DSE: variants seen among roughly 807,000 people sequenced by gnomAD.
DSE encodes the protein dermatan sulfate epimerase.
DSE carries 36 observed loss-of-function variants against 84.4 expected under a neutral mutation model. The observed-to-expected ratio is 0.43, with a 90% CI of 0.33 to 0.56. DSE has a LOEUF of 0.56. DSE is among the 20% of genes least tolerant of loss of function. The probability of loss-of-function intolerance (pLI) is 0.06; values close to 1 mark genes in which losing one functional copy is unlikely to be tolerated. For synonymous variants in DSE, 410 were observed against 430.1 expected (o/e 0.95, Z 0.58); for missense variants, 862 against 1,169.6 (o/e 0.74, Z 3.84).
chr6:116,264,142 C>G (rs1039141352), intron 2 of DSE, among the ~76,000 whole-genome samples: 17 of 152,144 alleles, frequency 1.1e-4, no homozygotes, highest in African/African-American at 4.1e-4. Context: ...TGGCCTCTCT[C>G]ACTAGGTTGT....
At chr6:116,303,492 T>C (rs574005281) in intron 2 of DSE, among the ~76,000 whole-genome samples, 2 of 152,136 alleles carry the variant, frequency 1.3e-5, no homozygotes, top group Non-Finnish European at 2.9e-5. Flanking sequence ...ATCTACAACA[T>C]CTGGCATGTT....
chr6:116,358,540 G>A (rs940944758), intron 2 of DSE, among the ~76,000 whole-genome samples: 16 of 152,170 alleles, frequency 1.1e-4, no homozygotes, highest in Non-Finnish European at 1.0e-4. Context: ...TCAACCAGGT[G>A]GACCTTTTCG....
chr6:116,315,186 A>G (rs1775896186), intron 2 of DSE, among the ~76,000 whole-genome samples: 2 of 152,188 alleles, frequency 1.3e-5, no homozygotes. Context: ...ACTGAACATT[A>G]TGTGCCAGGC....
chr6:116,351,587 C>A (rs932053859), intron 2 of DSE, among the ~76,000 whole-genome samples: 3 of 151,822 alleles, frequency 2.0e-5, no homozygotes, highest in Non-Finnish European at 4.4e-5. Context: ...ATTTTTACCT[C>A]ATTATAAAAT....
rs145520010 is a variant in DSE, at chr6:116,382,107, A to G, written c.-54+10986A>G. Among the ~76,000 whole-genome samples the G allele has an allele frequency of 5.1e-3, 775 of 151,158 alleles. 9 individuals are homozygous for G. The highest frequency in any genetic ancestry group is 0.018 in the African/African-American group (745 of 41,148). ...TCCACTCTTTATAAAGACACTGGTC[A>G]TATTGGAGTAGGGGTCTGCCCTATT... On this transcript the variant is annotated intron_variant, in intron 1 of 5. Transcript: ENST00000644252.
At chr6:116,392,252 A>G (rs1424437024) in intron 1 of DSE, among the ~76,000 whole-genome samples, 1 of 152,136 alleles carries the variant, frequency 6.6e-6, no homozygotes, top group Non-Finnish European at 1.5e-5. Context: ...TAAAACTTCA[A>G]TGGAGGCCTG....
chr6:116,266,799 T>C (rs1381356563), intron 2 of DSE, among the ~76,000 whole-genome samples: 1 of 152,228 alleles, frequency 6.6e-6, no homozygotes, highest in African/African-American at 2.4e-5. Context: ...ATCAATACTT[T>C]TAGAGCAGAT....
chr6:116,258,649 G>A (rs1030825969), exon 2 of DSE: 5 of 1,612,188 alleles, frequency 3.1e-6, no homozygotes, highest in Non-Finnish European at 3.4e-6. Context: ...ACGAGCACCT[G>A]TGCACAGCAG....
intron 2 of DSE, among the ~76,000 whole-genome samples, chr6:116,303,298 A>G (rs901489458): frequency 9.9e-5 from 15 of 152,098 alleles, no homozygotes; most frequent in Admixed American, 9.8e-4. Context: ...TTTTTATACA[A>G]AGTTAGGCCC....
intron 2 of DSE, among the ~76,000 whole-genome samples, chr6:116,321,483 ACT>A (rs1221107022): frequency 6.6e-6 from 1 of 150,666 alleles, no homozygotes; most frequent in East Asian, 2.0e-4. Context: ...GCCCACAAAA[ACT>A]CTTCTTATAT....
At chr6:116,285,189 C>G (rs1773806446) in intron 2 of DSE, among the ~76,000 whole-genome samples, 1 of 152,138 alleles carries the variant, frequency 6.6e-6, no homozygotes, top group South Asian at 2.1e-4. Flanking sequence ...CTGTTGTTTG[C>G]TGACTTTTTA....
intron 2 of DSE, among the ~76,000 whole-genome samples, chr6:116,402,099 G>A (rs1217353491): frequency 6.6e-6 from 1 of 152,148 alleles, no homozygotes; most frequent in Non-Finnish European, 1.5e-5. Context: ...GTGCTAGGGT[G>A]CTGGGGATTC....
intron 3 of DSE, among the ~76,000 whole-genome samples, chr6:116,427,029 G>A (rs1255499902): frequency 6.6e-6 from 1 of 152,064 alleles, no homozygotes; most frequent in Non-Finnish European, 1.5e-5. Context: ...TATATTAGCC[G>A]GCATGTTATC....
At chr6:116,344,066 G>C (rs991194313) in intron 2 of DSE, among the ~76,000 whole-genome samples, 2 of 152,048 alleles carry the variant, frequency 1.3e-5, no homozygotes, top group African/African-American at 4.8e-5. Context: ...ATTAAATGAA[G>C]TGAGAAAAGT....
chr6:116,399,743 C>T, intron 2 of DSE, 77 bp downstream of exon 2: 2 of 1,389,052 alleles, frequency 1.4e-6, no homozygotes, highest in East Asian at 2.3e-5. Context: ...ATCTCAGTGG[C>T]CAGATCTTCA....
intron 2 of DSE, among the ~76,000 whole-genome samples, chr6:116,281,633 T>C (rs1420104614): frequency 6.6e-6 from 1 of 152,218 alleles, no homozygotes; most frequent in Admixed American, 6.5e-5. Flanking sequence ...CCACAAACGA[T>C]ATCTGAGGAG....
intron 2 of DSE, among the ~76,000 whole-genome samples, chr6:116,309,139 G>A (rs1486703067): frequency 1.3e-5 from 2 of 152,098 alleles, no homozygotes; most frequent in Non-Finnish European, 2.9e-5. Flanking sequence ...TTTATGAGGA[G>A]CAAATTAAAG....
chr6:116,355,051 G>A (rs12178441), intron 2 of DSE, among the ~76,000 whole-genome samples: 7,010 of 152,102 alleles, frequency 0.046, 522 homozygotes, highest in African/African-American at 0.15. Flanking sequence ...ACCTATATGC[G>A]TAATTCATTT....
chr6:116,279,827 T>G (rs1415795539), intron 2 of DSE: 1 of 1,612,932 alleles, frequency 6.2e-7, no homozygotes, highest in African/African-American at 1.3e-5. Context: ...TCCAGGCCGC[T>G]CATGTTGCTA....
Sources: gnomAD v4.1 joint callset for allele counts (sites outside exome capture counted in the v4.1 genomes callset) on GRCh38, gnomAD v4.1.1 for gene constraint, MANE v1.5 for transcripts, NCBI Gene and HGNC (gene_info 2026-07-23, HGNC 2026-07-21) for gene names.